NETO1: variants seen among roughly 807,000 people sequenced by gnomAD.
NETO1 encodes neuropilin and tolloid like 1.
Under a neutral mutation model 61.3 loss-of-function variants are expected in NETO1, and 26 were observed. That is an observed-to-expected ratio of 0.42 (90% CI 0.31 to 0.59). The LOEUF (loss-of-function observed/expected upper bound fraction) is 0.59, where lower values mean the gene tolerates loss of function less well. NETO1 is among the 20% of genes least tolerant of loss of function. The probability of loss-of-function intolerance (pLI) is 0.12; values close to 1 mark genes in which losing one functional copy is unlikely to be tolerated. For missense variants in NETO1, 531 were observed against 662.8 expected, an observed-to-expected ratio of 0.80 and a Z score of 2.18; for synonymous variants, 225 against 225.8, an observed-to-expected ratio of 1.00 and a Z score of 0.03.
intron 7 of NETO1, among the ~76,000 whole-genome samples, chr18:72,773,197 G>A (rs867976860): frequency 6.6e-6 from 1 of 151,806 alleles, no homozygotes; most frequent in Non-Finnish European, 1.5e-5. Context: ...TCCAAATCCA[G>A]ATTTCTACTA....
rs577231255 is a variant in NETO1, at chr18:72,794,967, T to A, written c.470-563A>T. On this transcript the variant is annotated intron_variant, in intron 4 of 10. Coordinates refer to ENST00000327305, the MANE Select transcript of NETO1 (RefSeq NM_138966.5). Reference sequence around the variant, plus strand: ...ACTGAACAATCCTGTTTTCATCAAATCTTTCTCTGCAACATTTCATACTAT... The same window carrying A: ...ACTGAACAATCCTGTTTTCATCAAAACTTTCTCTGCAACATTTCATACTAT... Among the ~76,000 whole-genome samples, 10 of 152,356 alleles carry A rather than the reference T, an allele frequency of 6.6e-5. No individual in the cohort carries two copies. The South Asian group carries it at 1.5e-3, about 22-fold the overall frequency.
chr18:72,850,057 T>C (rs2074204456), intron 4 of NETO1, among the ~76,000 whole-genome samples: 1 of 152,246 alleles, frequency 6.6e-6, no homozygotes, highest in Admixed American at 6.5e-5. Flanking sequence ...TTAGCATTAT[T>C]AATACAACTT....
intron 4 of NETO1, among the ~76,000 whole-genome samples, chr18:72,850,805 G>C (rs558002671): frequency 6.6e-6 from 1 of 152,148 alleles, no homozygotes; most frequent in Non-Finnish European, 1.5e-5. Flanking sequence ...TTAGTGAGGG[G>C]TGTGGGTGCT....
At chr18:72,810,537 T>C (rs2145200955) in intron 4 of NETO1, among the ~76,000 whole-genome samples, 1 of 152,334 alleles carries the variant, frequency 6.6e-6, no homozygotes, top group African/African-American at 2.4e-5. Flanking sequence ...GAAATAGTGC[T>C]AAAATGGAAG....
At chr18:72,777,347 GGGGGGAGGTT>G (rs2071582167) in intron 7 of NETO1, among the ~76,000 whole-genome samples, 1 of 151,356 alleles carries the variant, frequency 6.6e-6, no homozygotes, top group African/African-American at 2.4e-5. Flanking sequence ...GAACCCGGGA[GGGGGGAGGTT>G]GCAGGGAGCT....
intron 4 of NETO1, among the ~76,000 whole-genome samples, chr18:72,821,427 G>A (rs138697012): frequency 5.3e-5 from 8 of 150,840 alleles, no homozygotes; most frequent in Non-Finnish European, 1.0e-4. Flanking sequence ...ATAGCCAGGC[G>A]TGGTGGCACA....
At chr18:72,848,062 T>C (rs948362540) in intron 4 of NETO1, among the ~76,000 whole-genome samples, 1 of 152,146 alleles carries the variant, frequency 6.6e-6, no homozygotes, top group Non-Finnish European at 1.5e-5. Flanking sequence ...CACTGACACT[T>C]CTACTTCCCT....
At chr18:72,749,723 G>A (rs374747019) in intron 9 of NETO1, among the ~76,000 whole-genome samples, 5 of 151,954 alleles carry the variant, frequency 3.3e-5, no homozygotes, top group Admixed American at 3.3e-4. Flanking sequence ...TGGGAGCAAT[G>A]GTCACATGGA....
At chr18:72,833,542 G>A (rs1164556951) in intron 4 of NETO1, among the ~76,000 whole-genome samples, 5 of 152,084 alleles carry the variant, frequency 3.3e-5, no homozygotes, top group African/African-American at 1.2e-4. Flanking sequence ...TTTAGTAAAT[G>A]AATTCTGACT....
At chr18:72,778,510 C>A (rs2071632856) in intron 7 of NETO1, among the ~76,000 whole-genome samples, 1 of 152,144 alleles carries the variant, frequency 6.6e-6, no homozygotes, top group Admixed American at 6.5e-5. Context: ...GACATTTTCT[C>A]AGCAAAATAT....
At chr18:72,775,925 A>G (rs62091907) in intron 7 of NETO1, among the ~76,000 whole-genome samples, 30,021 of 152,152 alleles carry the variant, frequency 0.2, 3,748 homozygotes, top group South Asian at 0.27. Flanking sequence ...TCTAACCCCT[A>G]AAAATATCCT....
rs78626449 is a variant in NETO1, at chr18:72,862,524, G to A, written c.220+2284C>T. Among the ~76,000 whole-genome samples the A allele has an allele frequency of 7.9e-3, 1,194 of 151,494 alleles. 45 individuals carry two copies. The highest frequency in any genetic ancestry group is 0.064 in the East Asian group (332 of 5,154). On this transcript the variant is annotated intron_variant, in intron 3 of 10. Coordinates refer to ENST00000327305, the MANE Select transcript of NETO1 (RefSeq NM_138966.5). ...ATTTCTTTTCTGGGATGGCAATTCC[G>A]TCTATCTAACAAGTTATCGAGCAAC...
intron 4 of NETO1, among the ~76,000 whole-genome samples, chr18:72,839,603 T>C (rs1429303992): frequency 2.0e-5 from 1 of 51,238 alleles, no homozygotes; most frequent in Non-Finnish European, 4.2e-5. Context: ...GAGATAACTT[T>C]CTCTTATTTC....
intron 7 of NETO1, among the ~76,000 whole-genome samples, chr18:72,772,502 C>T (rs2071384197): frequency 6.6e-6 from 1 of 151,914 alleles, no homozygotes; most frequent in Non-Finnish European, 1.5e-5. Flanking sequence ...GACAAGCTGT[C>T]TGGCTCCAAC....
chr18:72,805,777 T>G (rs975648867), intron 4 of NETO1, among the ~76,000 whole-genome samples: 2 of 152,182 alleles, frequency 1.3e-5, no homozygotes, highest in African/African-American at 4.8e-5. Context: ...CTGTTCTTCC[T>G]TCTCTCTTGA....
At chr18:72,822,437 C>T (rs780777747) in intron 4 of NETO1, among the ~76,000 whole-genome samples, 2 of 152,164 alleles carry the variant, frequency 1.3e-5, no homozygotes, top group East Asian at 1.9e-4. Flanking sequence ...GCACCGCCAC[C>T]GTCCCGTCCC....
intron 6 of NETO1, among the ~76,000 whole-genome samples, chr18:72,785,000 C>T (rs1328825299): frequency 1.3e-5 from 2 of 152,194 alleles, no homozygotes; most frequent in Non-Finnish European, 2.9e-5. Flanking sequence ...AAGACCCATG[C>T]ACTTTGAGAG....
At chr18:72,765,302 T>C (rs2071115866) in intron 7 of NETO1, among the ~76,000 whole-genome samples, 2 of 152,226 alleles carry the variant, frequency 1.3e-5, no homozygotes, top group South Asian at 4.1e-4. Context: ...GGCTGATCCC[T>C]TTGAGTTAAC....
chr18:72,835,371 G>A, intron 4 of NETO1: 1 of 1,487,466 alleles, frequency 6.7e-7, no homozygotes, highest in Non-Finnish European at 9.3e-7. Flanking sequence ...TATATGATCA[G>A]GCATGAATTG....
Sources: gnomAD v4.1 joint callset for allele counts (sites outside exome capture counted in the v4.1 genomes callset) on GRCh38, gnomAD v4.1.1 for gene constraint, MANE v1.5 for transcripts, NCBI Gene and HGNC (gene_info 2026-07-23, HGNC 2026-07-21) for gene names.